PDE11A: variants seen among roughly 807,000 people sequenced by gnomAD.
PDE11A encodes dual 3',5'-cyclic-AMP and -GMP phosphodiesterase 11A.
PDE11A carries 100 observed loss-of-function variants against 100.5 expected under a neutral mutation model. That is an observed-to-expected ratio of 1.00 (90% CI 0.85 to 1.18). The LOEUF (loss-of-function observed/expected upper bound fraction) is 1.18, where lower values mean the gene tolerates loss of function less well. Ranked by LOEUF, PDE11A falls within the 50% of genes most tolerant of loss-of-function variation. PDE11A has a pLI of 0.00. For synonymous variants in PDE11A, 381 were observed against 420.8 expected (o/e 0.91, Z 1.16); for missense variants, 1,141 against 1,152.6 (o/e 0.99, Z 0.15).
intron 6 of PDE11A, among the ~76,000 whole-genome samples, chr2:177,835,026 A>C (rs115411246): frequency 6.6e-6 from 1 of 152,008 alleles, no homozygotes; most frequent in African/African-American, 2.4e-5. Context: ...AAGGAACGCA[A>C]AGGTTATGAC....
intron 2 of PDE11A, among the ~76,000 whole-genome samples, chr2:177,980,850 T>C (rs1056456092): frequency 8.0e-5 from 12 of 149,286 alleles, no homozygotes; most frequent in Admixed American, 2.0e-4. Context: ...CTTGTGCCCT[T>C]GAACATGAAA....
chr2:177,957,909 C>A (rs183080126), intron 2 of PDE11A, among the ~76,000 whole-genome samples: 1 of 62,632 alleles, frequency 1.6e-5, no homozygotes, highest in Admixed American at 1.2e-4. Context: ...TTTTCCAATG[C>A]CTTTTTTTTG....
chr2:177,970,024 A>G (rs1261109804), intron 2 of PDE11A, among the ~76,000 whole-genome samples: 1 of 152,214 alleles, frequency 6.6e-6, no homozygotes, highest in Non-Finnish European at 1.5e-5. Context: ...GTGACTTTAA[A>G]TGAATTCTGG....
chr2:177,844,531 ATTAATT>A (rs2083548391), intron 5 of PDE11A, among the ~76,000 whole-genome samples: 1 of 147,780 alleles, frequency 6.8e-6, no homozygotes, highest in South Asian at 2.1e-4. Context: ...TTTTTTTTTA[ATTAATT>A]AATTAATTTA....
At chr2:177,667,277 G>T (rs1183114757) in intron 18 of PDE11A, among the ~76,000 whole-genome samples, 4 of 152,124 alleles carry the variant, frequency 2.6e-5, no homozygotes, top group African/African-American at 9.7e-5. Flanking sequence ...GGGTCATTTT[G>T]TCTTTTGTCT....
At chr2:177,718,222 T>A (rs939223048) in intron 12 of PDE11A, among the ~76,000 whole-genome samples, 2 of 152,210 alleles carry the variant, frequency 1.3e-5, no homozygotes, top group Non-Finnish European at 2.9e-5. Flanking sequence ...GACAGGTAAC[T>A]GTTCTTATCT....
intron 1 of PDE11A, 53 bp downstream of exon 1, chr2:178,071,473 T>G: frequency 6.2e-7 from 1 of 1,611,000 alleles, no homozygotes; most frequent in Non-Finnish European, 8.5e-7. Context: ...AACCGAAGGC[T>G]TATCTCCCAA....
intron 4 of PDE11A, among the ~76,000 whole-genome samples, chr2:177,878,681 C>T (rs984750787): frequency 5.3e-5 from 8 of 152,022 alleles, no homozygotes; most frequent in Non-Finnish European, 1.0e-4. Flanking sequence ...AAGTGGTTTG[C>T]TGGAAGCCAT....
Position 177,669,583 on chromosome 2 carries a change from ATT to A in PDE11A, c.2488-18_2488-17del. The A allele has an allele frequency of 8.2e-7, 1 of 1,219,582 alleles. No homozygotes were observed. The allele number at this position is 1,219,582 out of a possible 1,614,324, so 75.5% of individuals were successfully genotyped here. The stretch of plus-strand genomic sequence containing the variant: ...GTTCTGCCACCTGAAACATATAAAT[ATT>A]TTAATCTGTGATTATGTGTAGTTTA... On this transcript the variant is annotated splice_polypyrimidine_tract_variant and intron_variant, in intron 17 of 19. Coordinates refer to ENST00000286063, the MANE Select transcript of PDE11A (RefSeq NM_016953.4).
At chr2:177,788,808 C>G (rs1287686124) in intron 9 of PDE11A, among the ~76,000 whole-genome samples, 2 of 152,076 alleles carry the variant, frequency 1.3e-5, no homozygotes, top group African/African-American at 2.4e-5. Context: ...ATAAATTCCT[C>G]GACACATACA....
intron 2 of PDE11A, among the ~76,000 whole-genome samples, chr2:177,930,456 T>G (rs1362561904): frequency 6.6e-6 from 1 of 151,852 alleles, no homozygotes; most frequent in East Asian, 1.9e-4. Context: ...TTGGCATGAT[T>G]CCCAGTATGC....
chr2:177,629,446 G>GGAA lies in PDE11A; in HGVS notation c.2762_2763insTTC (p.Ser921dup), dbSNP rs67772336. ...CCTTGGCTACCATAACACTGGCAGG[G>GGAA]GAGGATGAGGCAGTTGAGGCCAGCA... On this transcript the variant is annotated inframe_insertion, in exon 20 of 20. Transcript: ENST00000286063. The GGAA allele has an allele frequency of 4.0e-6, 6 of 1,489,942 alleles. No homozygotes were observed. In the South Asian group the frequency reaches 6.9e-5, roughly 17 times the overall value. 92.3% of individuals were successfully genotyped at this position (1,489,942 alleles called of 1,614,324 possible). A position where few individuals can be genotyped will look rare whatever the true frequency, so the allele number is the denominator to read the frequency against.
intron 4 of PDE11A, among the ~76,000 whole-genome samples, chr2:177,884,292 C>T (rs1003530165): frequency 3.3e-5 from 5 of 152,220 alleles, no homozygotes; most frequent in Admixed American, 6.5e-5. Context: ...ATTTCTCCAT[C>T]CTTCCTCATG....
intron 2 of PDE11A, among the ~76,000 whole-genome samples, chr2:177,952,058 A>G (rs1036879647): frequency 2.0e-5 from 3 of 151,710 alleles, no homozygotes; most frequent in Non-Finnish European, 4.4e-5. Flanking sequence ...TTCTTAACTC[A>G]CCTCCTGCCA....
chr2:178,068,847 C>A (rs1345097878), intron 1 of PDE11A, among the ~76,000 whole-genome samples: 2 of 152,066 alleles, frequency 1.3e-5, no homozygotes, highest in Non-Finnish European at 1.5e-5. Context: ...CTAACAGGAA[C>A]AAAGTATAGA....
At chr2:177,794,087 A>C (rs1287189758) in intron 9 of PDE11A, among the ~76,000 whole-genome samples, 1 of 152,094 alleles carries the variant, frequency 6.6e-6, no homozygotes, top group Non-Finnish European at 1.5e-5. Context: ...GAAATAAGGA[A>C]AAGGTAGTGT....
chr2:178,019,072 T>C (rs34507449), intron 1 of PDE11A, among the ~76,000 whole-genome samples: 4,594 of 152,332 alleles, frequency 0.03, 99 homozygotes, highest in Non-Finnish European at 0.048. Flanking sequence ...CTGATAAGGA[T>C]AGACAAAGAG....
chr2:177,692,387 T>C lies in PDE11A; in HGVS notation c.2345+4945A>G, dbSNP rs150480720. Reference sequence around the variant, plus strand: ...TTTATTAAGTTTTCTGGCTGAGTGATTCCTTTTTTTATAAGGTACTTTACA... The same window carrying C: ...TTTATTAAGTTTTCTGGCTGAGTGACTCCTTTTTTTATAAGGTACTTTACA... On this transcript the variant is annotated intron_variant, in intron 15 of 19. Coordinates refer to ENST00000286063, the MANE Select transcript of PDE11A (RefSeq NM_016953.4). Among the ~76,000 whole-genome samples the C allele has an allele frequency of 2.0e-3, 307 of 152,304 alleles. 2 individuals carry two copies. The highest frequency in any genetic ancestry group is 7.0e-3 in the African/African-American group (293 of 41,564).
chr2:177,821,963 A>G (rs1224056310), intron 6 of PDE11A, among the ~76,000 whole-genome samples: 1 of 151,372 alleles, frequency 6.6e-6, no homozygotes, highest in Non-Finnish European at 1.5e-5. Flanking sequence ...ATTGGCTCGT[A>G]AAAGTATCTT....
Sources: gnomAD v4.1 joint callset for allele counts (sites outside exome capture counted in the v4.1 genomes callset) on GRCh38, gnomAD v4.1.1 for gene constraint, MANE v1.5 for transcripts, NCBI Gene and HGNC (gene_info 2026-07-23, HGNC 2026-07-21) for gene names.